The following JMJD1C variants were observed in gnomAD, a reference collection of about 807,000 sequenced individuals.
The protein encoded by JMJD1C is jumonji domain containing 1C.
A neutral mutation model predicts 245.3 loss-of-function variants in JMJD1C; 31 were observed. The observed-to-expected ratio is 0.13, with a 90% CI of 0.09 to 0.17. JMJD1C has a LOEUF of 0.17. JMJD1C is among the 10% of genes least tolerant of loss of function. The pLI, the probability that JMJD1C is intolerant of heterozygous loss-of-function variation, is 1.00. For synonymous variants in JMJD1C, 1,057 were observed against 1,017.4 expected, an observed-to-expected ratio of 1.04 and a Z score of -0.74; for missense variants, 2,691 against 3,000.2, an observed-to-expected ratio of 0.90 and a Z score of 2.41.
chr10:63,203,551 TATATATTTGA>T, intron 10 of JMJD1C: 1 of 966,136 alleles, frequency 1.0e-6, no homozygotes, highest in Non-Finnish European at 1.2e-6. Flanking sequence ...TTGTAGAATT[TATATATTTGA>T]ATATAGTGGC....
rs1851576451 is a variant in JMJD1C at position 63,242,292 on chromosome 10, T to TA, written c.448-22310dup. 2.6e-5 allele frequency among the ~76,000 whole-genome samples: 4 copies of TA among 152,324 alleles called. No homozygotes were observed. In the South Asian group the frequency reaches 8.3e-4, roughly 32 times the overall value. Reference sequence around the variant, plus strand: ...TGGTATATACATGCACTGTCCCACATACGATTATCTGGGCACTTGAAATGT... The same window carrying TA: ...TGGTATATACATGCACTGTCCCACATAACGATTATCTGGGCACTTGAAATGT... On this transcript the variant is annotated intron_variant, in intron 3 of 25. Coordinates refer to ENST00000399262, the MANE Select transcript of JMJD1C (RefSeq NM_032776.3).
chr10:63,477,212 ATTTT>A (rs966500207), intron 1 of JMJD1C, among the ~76,000 whole-genome samples: 2 of 150,276 alleles, frequency 1.3e-5, no homozygotes, highest in African/African-American at 4.9e-5. Flanking sequence ...GATGGTATTA[ATTTT>A]TTTTTTGACA....
chr10:63,193,144 T>A lies in JMJD1C; in HGVS notation c.5870A>T (p.Gln1957Leu). ...PTMNGVSQVL[Q>L]NVLNHSNKIS... ...TTTATTACTGTGATTAAGAACATTCTGTAAAACCTACAAAGGTAGAACAAT... is the reference window on the plus strand; with the variant it reads ...TTTATTACTGTGATTAAGAACATTCAGTAAAACCTACAAAGGTAGAACAAT... Residue 1957 changes from glutamine (Q) to leucine (L), a missense_variant, in exon 16 of 26, where the codon CAG becomes CTG. Physicochemically the swap from Gln to Leu is moderately radical, Grantham distance 113. Around this residue, in one of 9 missense-constraint regions of JMJD1C, gnomAD observed 275 missense variants for 285.5 expected, o/e 0.96. Coordinates refer to ENST00000399262, the MANE Select transcript of JMJD1C (RefSeq NM_032776.3). 6.2e-7 allele frequency: 1 copy of A among 1,610,966 alleles called. No homozygotes were observed. The highest frequency in any genetic ancestry group is 8.5e-7 in the Non-Finnish European group (1 of 1,177,744).
chr10:63,427,706 T>A, intron 1 of JMJD1C: 2 of 1,322,594 alleles, frequency 1.5e-6, no homozygotes, highest in South Asian at 1.2e-5. Flanking sequence ...TCTAGCTTAT[T>A]TGGTGTCTCC....
At position 63,331,448 on chromosome 10, in the gene JMJD1C, C is replaced by T. The variant is rs149698902; in HGVS notation, c.333+48870G>A. 2.0e-3 allele frequency among the ~76,000 whole-genome samples: 298 copies of T among 152,158 alleles called. 2 individuals carry two copies. The highest frequency in any genetic ancestry group is 2.1e-3 in the Non-Finnish European group (143 of 68,018). On this transcript the variant is annotated intron_variant, in intron 2 of 25. Transcript: ENST00000399262. ...CTTACATGGTTTTTCATTTGCTTGC[C>T]CTATTTTTTTCACTTTTAGATTATG...
At chr10:63,398,370 T>G (rs1238367111) in intron 1 of JMJD1C, among the ~76,000 whole-genome samples, 1 of 152,180 alleles carries the variant, frequency 6.6e-6, no homozygotes, top group Admixed American at 6.5e-5. Flanking sequence ...TTACCTGTAT[T>G]TTACTATTCT....
rs186532603 is a variant in JMJD1C at position 63,408,439 on chromosome 10, G to C, written c.169-27957C>G. 1.7e-3 allele frequency among the ~76,000 whole-genome samples: 259 copies of C among 151,732 alleles called. 2 individuals are homozygous for C. The highest frequency in any genetic ancestry group is 6.0e-3 in the African/African-American group (250 of 41,372). Reference sequence around the variant, plus strand: ...CAGATAAAAATCAATGTACATCTAGGAAAGTTATTGTGAAATTTCCAAGCA... The same window carrying C: ...CAGATAAAAATCAATGTACATCTAGCAAAGTTATTGTGAAATTTCCAAGCA... On this transcript the variant is annotated intron_variant, in intron 1 of 25. Coordinates refer to ENST00000399262, the MANE Select transcript of JMJD1C (RefSeq NM_032776.3).
chr10:63,228,206 A>G (rs1002590925), intron 3 of JMJD1C, among the ~76,000 whole-genome samples: 2 of 152,170 alleles, frequency 1.3e-5, no homozygotes, highest in African/African-American at 2.4e-5. Flanking sequence ...GCAGAAAAGT[A>G]GCTAAAAAAA....
At chr10:63,358,489 G>A (rs929345744) in intron 2 of JMJD1C, among the ~76,000 whole-genome samples, 1 of 151,802 alleles carries the variant, frequency 6.6e-6, no homozygotes, top group Non-Finnish European at 1.5e-5. Context: ...AGTCCAGCCT[G>A]GGCAATATAG....
chr10:63,510,673 T>C (rs1191646571), intron 1 of JMJD1C, among the ~76,000 whole-genome samples: 1 of 152,242 alleles, frequency 6.6e-6, no homozygotes, highest in Non-Finnish European at 1.5e-5. Flanking sequence ...CTGCTGTTAT[T>C]TGAAGTAGTC....
intron 2 of JMJD1C, among the ~76,000 whole-genome samples, chr10:63,286,211 C>T (rs1857965323): frequency 6.6e-6 from 1 of 152,194 alleles, no homozygotes; most frequent in Non-Finnish European, 1.5e-5. Context: ...CCAAAAGAAA[C>T]ATGAGACACA....
At chr10:63,262,454 T>C (rs1854903942) in intron 3 of JMJD1C, among the ~76,000 whole-genome samples, 1 of 152,168 alleles carries the variant, frequency 6.6e-6, no homozygotes, top group Non-Finnish European at 1.5e-5. Flanking sequence ...CCTGATCTTA[T>C]TTAAAAACCC....
chr10:63,176,771 G>T, intron 23 of JMJD1C: 7 of 212,324 alleles, frequency 3.3e-5, no homozygotes, highest in Non-Finnish European at 4.6e-5. Context: ...TGTTTCAAAA[G>T]TATAGCACAT....
At chr10:63,449,471 T>C (rs7910084) in intron 1 of JMJD1C, among the ~76,000 whole-genome samples, 21,800 of 152,056 alleles carry the variant, frequency 0.14, 3,598 homozygotes, top group African/African-American at 0.4. Flanking sequence ...ATTAAGCCTA[T>C]GAATGAAAAA....
chr10:63,346,061 T>TA (rs1943792865), intron 2 of JMJD1C, among the ~76,000 whole-genome samples: 1 of 152,176 alleles, frequency 6.6e-6, no homozygotes, highest in Non-Finnish European at 1.5e-5. Context: ...TTATAATCAG[T>TA]AAATGGGGTC....
chr10:63,389,075 G>T (rs1947842233), intron 1 of JMJD1C, among the ~76,000 whole-genome samples: 1 of 152,128 alleles, frequency 6.6e-6, no homozygotes, highest in Non-Finnish European at 1.5e-5. Flanking sequence ...TGTAATCCCA[G>T]CACTTTGGGA....
chr10:63,481,359 G>T (rs1163525189), intron 1 of JMJD1C, among the ~76,000 whole-genome samples: 1 of 152,006 alleles, frequency 6.6e-6, no homozygotes, highest in East Asian at 1.9e-4. Context: ...ATTTATTGCA[G>T]ATACCATATC....
chr10:63,350,155 T>G (rs1313078094), intron 2 of JMJD1C, among the ~76,000 whole-genome samples: 1 of 152,200 alleles, frequency 6.6e-6, no homozygotes, highest in Non-Finnish European at 1.5e-5. Context: ...GTAACATCCT[T>G]ATTACCTCCA....
At chr10:63,223,274 C>T (rs1236379932) in intron 3 of JMJD1C, among the ~76,000 whole-genome samples, 20 of 148,908 alleles carry the variant, frequency 1.3e-4, no homozygotes, top group Admixed American at 2.0e-4. Flanking sequence ...TCTCCCAGCC[C>T]GTAGTGTACT....
Sources: gnomAD v4.1 joint callset for allele counts (sites outside exome capture counted in the v4.1 genomes callset) on GRCh38, gnomAD v4.1.1 for gene constraint, gnomAD v4.1.1 regional missense constraint, MANE v1.5 for transcripts, NCBI Gene and HGNC (gene_info 2026-07-23, HGNC 2026-07-21) for gene names.